CCBE1: variants seen among roughly 807,000 people sequenced by gnomAD.
CCBE1 encodes the protein collagen and calcium-binding EGF domain-containing protein 1.
Under a neutral mutation model 50.0 loss-of-function variants are expected in CCBE1, and 37 were observed. That is an observed-to-expected ratio of 0.74 (90% CI 0.57 to 0.97). The LOEUF (loss-of-function observed/expected upper bound fraction) is 0.97, where lower values mean the gene tolerates loss of function less well. Among genes scored for constraint, CCBE1 ranks in the 50% least tolerant of loss-of-function variants. The probability of loss-of-function intolerance (pLI) is 0.00; values close to 1 mark genes in which losing one functional copy is unlikely to be tolerated. For missense variants in CCBE1, 538 were observed against 523.8 expected (o/e 1.03, Z -0.26); for synonymous variants, 234 against 203.7 (o/e 1.15, Z -1.27).
intron 2 of CCBE1, among the ~76,000 whole-genome samples, chr18:59,626,458 T>C (rs1305858552): frequency 2.6e-5 from 4 of 152,190 alleles, no homozygotes; most frequent in Non-Finnish European, 5.9e-5. Context: ...CAATGAACAC[T>C]TATCAGGCTT....
chr18:59,602,842 G>T (rs150954432), intron 2 of CCBE1, among the ~76,000 whole-genome samples: 3 of 152,192 alleles, frequency 2.0e-5, no homozygotes, highest in African/African-American at 7.2e-5. Flanking sequence ...TAAAGATGGC[G>T]CAGCCTAATG....
chr18:59,556,012 T>C (rs191818003), intron 2 of CCBE1, among the ~76,000 whole-genome samples: 2 of 152,342 alleles, frequency 1.3e-5, no homozygotes, highest in East Asian at 3.9e-4. Flanking sequence ...AGCTTTCAGA[T>C]TCTCATCTTT....
intron 2 of CCBE1, among the ~76,000 whole-genome samples, chr18:59,578,497 C>G (rs1054827338): frequency 6.6e-6 from 1 of 152,174 alleles, no homozygotes; most frequent in Non-Finnish European, 1.5e-5. Context: ...CACATACACA[C>G]GTACGTTTAC....
chr18:59,503,718 A>G (rs537601674), intron 2 of CCBE1, among the ~76,000 whole-genome samples: 114 of 152,302 alleles, frequency 7.5e-4, no homozygotes, highest in African/African-American at 2.6e-3. Context: ...TCCTATTAAT[A>G]TAATTTCTTG....
intron 7 of CCBE1, among the ~76,000 whole-genome samples, chr18:59,445,499 C>A (rs1288684285): frequency 6.6e-6 from 1 of 152,168 alleles, no homozygotes; most frequent in East Asian, 1.9e-4. Context: ...CTAGTACTGA[C>A]AGAGCAGTGA....
rs77285637 is a variant in CCBE1, at chr18:59,506,074, G to A, written c.213-25836C>T. Among the ~76,000 whole-genome samples the A allele has an allele frequency of 2.4e-3, 372 of 152,294 alleles. 11 individuals are homozygous for A. In the East Asian group the frequency reaches 0.05, roughly 20 times the overall value. The stretch of plus-strand genomic sequence containing the variant: ...GAATGTGGTCTTATTTGGGAATAGC[G>A]TCTTTGAAGATGTAAATAAGAATTG... On this transcript the variant is annotated intron_variant, in intron 2 of 10. Coordinates refer to ENST00000439986, the MANE Select transcript of CCBE1 (RefSeq NM_133459.4).
chr18:59,545,321 C>T (rs56097203), intron 2 of CCBE1, among the ~76,000 whole-genome samples: 2,438 of 146,590 alleles, frequency 0.017, 64 homozygotes, highest in African/African-American at 0.056. Flanking sequence ...TTCAGAAGTA[C>T]GTAAAAAACT....
chr18:59,657,268 CA>C (rs1390121118), intron 2 of CCBE1, among the ~76,000 whole-genome samples: 1 of 152,212 alleles, frequency 6.6e-6, no homozygotes. Context: ...AGCTTCAAGG[CA>C]TGCCCAGGAC....
At chr18:59,685,574 T>C (rs2054643657) in intron 2 of CCBE1, among the ~76,000 whole-genome samples, 1 of 152,222 alleles carries the variant, frequency 6.6e-6, no homozygotes, top group African/African-American at 2.4e-5. Flanking sequence ...GTTTTCAGCA[T>C]ACTGGAATCA....
rs973282779 is a variant in CCBE1, at chr18:59,514,951, A to G, written c.213-34713T>C. On this transcript the variant is annotated intron_variant, in intron 2 of 10. Coordinates refer to ENST00000439986, the MANE Select transcript of CCBE1 (RefSeq NM_133459.4). ...AACCCAAGGGGCCAGGTTCCGACAC[A>G]CATGGTTTTACTTTTATGTTTGCAA... Among the ~76,000 whole-genome samples, 75 of 152,312 alleles carry G rather than the reference A, an allele frequency of 4.9e-4. 1 individual carries two copies. The highest frequency in any genetic ancestry group is 3.4e-3 in the Middle Eastern group (1 of 294).
intron 2 of CCBE1, among the ~76,000 whole-genome samples, chr18:59,588,475 T>G (rs534108602): frequency 1.8e-4 from 28 of 152,298 alleles, no homozygotes; most frequent in African/African-American, 6.5e-4. Context: ...GATTATAACC[T>G]CCTAATACTG....
chr18:59,499,456 G>A (rs1913512730), intron 2 of CCBE1, among the ~76,000 whole-genome samples: 1 of 152,150 alleles, frequency 6.6e-6, no homozygotes, highest in Admixed American at 6.5e-5. Context: ...AAGGTTTAAT[G>A]GACTCACAGT....
At chr18:59,455,683 T>TA (rs1911157786) in intron 5 of CCBE1, among the ~76,000 whole-genome samples, 1 of 152,260 alleles carries the variant, frequency 6.6e-6, no homozygotes, top group African/African-American at 2.4e-5. Context: ...TGGAATGGCC[T>TA]ACTTAAGCCT....
intron 2 of CCBE1, among the ~76,000 whole-genome samples, chr18:59,620,457 C>T (rs2053697501): frequency 6.6e-6 from 1 of 152,126 alleles, no homozygotes; most frequent in Non-Finnish European, 1.5e-5. Flanking sequence ...TTATTTTTGA[C>T]CTACATGAGA....
intron 7 of CCBE1, among the ~76,000 whole-genome samples, chr18:59,443,988 A>C (rs530997100): frequency 3.3e-5 from 5 of 152,354 alleles, no homozygotes; most frequent in African/African-American, 1.2e-4. Flanking sequence ...TGTTAATTAT[A>C]TAGTGTGTCA....
intron 2 of CCBE1, among the ~76,000 whole-genome samples, chr18:59,562,574 C>T (rs1011684409): frequency 3.3e-5 from 5 of 152,190 alleles, no homozygotes; most frequent in Admixed American, 6.5e-5. Flanking sequence ...GCTTTCTACC[C>T]GAGTTACTTT....
intron 3 of CCBE1, among the ~76,000 whole-genome samples, chr18:59,479,625 G>A (rs112514416): frequency 4.9e-4 from 74 of 152,314 alleles, no homozygotes; most frequent in Middle Eastern, 3.4e-3. Flanking sequence ...CAAGGTCAAA[G>A]CTATTAGTAG....
chr18:59,496,469 T>C (rs1245316623), intron 2 of CCBE1, among the ~76,000 whole-genome samples: 1 of 152,234 alleles, frequency 6.6e-6, no homozygotes, highest in East Asian at 1.9e-4. Flanking sequence ...CTGTCTCCTT[T>C]GCTGTATTAC....
rs139369932 is a variant in CCBE1 at position 59,590,081 on chromosome 18, G to A, written c.212+106548C>T. 2.3e-3 allele frequency among the ~76,000 whole-genome samples: 343 copies of A among 152,196 alleles called. 5 individuals are homozygous for A. The East Asian group carries it at 0.032, about 14-fold the overall frequency. Reference sequence around the variant, plus strand: ...ACTTACCTTTCTTAATGTGAAACGCGAATTTCCACTATAGTCAGAAGCAAA... The same window carrying A: ...ACTTACCTTTCTTAATGTGAAACGCAAATTTCCACTATAGTCAGAAGCAAA... On this transcript the variant is annotated intron_variant, in intron 2 of 10. Coordinates refer to ENST00000439986, the MANE Select transcript of CCBE1 (RefSeq NM_133459.4).
Sources: gnomAD v4.1 joint callset for allele counts (sites outside exome capture counted in the v4.1 genomes callset) on GRCh38, gnomAD v4.1.1 for gene constraint, MANE v1.5 for transcripts, NCBI Gene and HGNC (gene_info 2026-07-23, HGNC 2026-07-21) for gene names.